The following TTC29 variants were observed in gnomAD, a reference collection of about 807,000 sequenced individuals.
The protein encoded by TTC29 is tetratricopeptide repeat domain 29, also known as tetratricopeptide repeat protein 29.
A neutral mutation model predicts 58.1 loss-of-function variants in TTC29; 49 were observed. The observed-to-expected ratio is 0.84, with a 90% CI of 0.67 to 1.07. TTC29 has a LOEUF of 1.07. Among genes scored for constraint, TTC29 ranks in the 50% least tolerant of loss-of-function variants. The probability of loss-of-function intolerance (pLI) is 0.00; values close to 1 mark genes in which losing one functional copy is unlikely to be tolerated. For missense variants in TTC29, 582 were observed against 555.6 expected (o/e 1.05, Z -0.48); for synonymous variants, 209 against 196.8 (o/e 1.06, Z -0.52).
chr4:146,895,421 G>A (rs1732703222), intron 6 of TTC29, among the ~76,000 whole-genome samples: 1 of 152,166 alleles, frequency 6.6e-6, no homozygotes, highest in South Asian at 2.1e-4. Flanking sequence ...TTCCTTCTGG[G>A]TTTAGTCTTC....
At chr4:146,861,445 C>A (rs927214903) in intron 8 of TTC29, among the ~76,000 whole-genome samples, 1 of 152,152 alleles carries the variant, frequency 6.6e-6, no homozygotes, top group African/African-American at 2.4e-5. Context: ...GTCTCTATGA[C>A]CCCTTGCACA....
chr4:146,863,093 G>A (rs1286813727), intron 8 of TTC29, among the ~76,000 whole-genome samples: 1 of 149,004 alleles, frequency 6.7e-6, no homozygotes, highest in Non-Finnish European at 1.5e-5. Context: ...CTACACTCCA[G>A]CCTGGGTGAC....
intron 2 of TTC29, among the ~76,000 whole-genome samples, chr4:146,940,868 T>G (rs1277222210): frequency 6.6e-6 from 1 of 152,190 alleles, no homozygotes; most frequent in African/African-American, 2.4e-5. Context: ...AGCATCCACT[T>G]CTACTGTAAT....
At chr4:146,909,587 C>A (rs979504611) in intron 4 of TTC29, among the ~76,000 whole-genome samples, 1 of 147,484 alleles carries the variant, frequency 6.8e-6, no homozygotes, top group African/African-American at 2.5e-5. Context: ...CCAAAAAAAA[C>A]CTCAACAAGT....
chr4:146,756,169 G>A (rs1220065332), intron 11 of TTC29, among the ~76,000 whole-genome samples: 2 of 151,702 alleles, frequency 1.3e-5, no homozygotes, highest in Non-Finnish European at 2.9e-5. Flanking sequence ...AGCTACTTGG[G>A]AGGCTGAGGA....
chr4:146,747,143 T>C (rs1745607361), intron 11 of TTC29, among the ~76,000 whole-genome samples: 1 of 152,142 alleles, frequency 6.6e-6, no homozygotes, highest in South Asian at 2.1e-4. Context: ...TAGAGACTCA[T>C]GCAGTCCTCA....
chr4:146,932,200 GA>G (rs890536653), intron 4 of TTC29, among the ~76,000 whole-genome samples: 1 of 152,118 alleles, frequency 6.6e-6, no homozygotes, highest in Non-Finnish European at 1.5e-5. Context: ...TCATGAGAAA[GA>G]AGAAATTTTC....
intron 11 of TTC29, among the ~76,000 whole-genome samples, chr4:146,798,480 AAAT>A (rs1218614161): frequency 6.6e-6 from 1 of 152,164 alleles, no homozygotes; most frequent in African/African-American, 2.4e-5. Context: ...TATATAATAA[AAAT>A]AATGATAATA....
chr4:146,943,418 G>T (rs1383901054), intron 2 of TTC29, among the ~76,000 whole-genome samples: 1 of 151,356 alleles, frequency 6.6e-6, no homozygotes, highest in Non-Finnish European at 1.5e-5. Flanking sequence ...TATCAGAGCT[G>T]AATGATAAAG....
intron 11 of TTC29, among the ~76,000 whole-genome samples, chr4:146,783,473 G>A (rs1263853768): frequency 6.6e-6 from 1 of 151,948 alleles, no homozygotes; most frequent in African/African-American, 2.4e-5. Context: ...AAGGGAGCCT[G>A]TAAACACTCA....
intron 4 of TTC29, among the ~76,000 whole-genome samples, 190 bp downstream of exon 4, chr4:146,937,404 C>G (rs1735926289): frequency 2.0e-5 from 3 of 151,808 alleles, no homozygotes; most frequent in South Asian, 4.2e-4. Context: ...TTTTGAGAGC[C>G]ATAAAATTAA....
At chr4:146,797,656 C>A (rs1749917365) in intron 11 of TTC29, among the ~76,000 whole-genome samples, 1 of 151,642 alleles carries the variant, frequency 6.6e-6, no homozygotes, top group Non-Finnish European at 1.5e-5. Context: ...TCCCACCTCA[C>A]CCTGGCTGCT....
intron 9 of TTC29, among the ~76,000 whole-genome samples, chr4:146,829,264 C>A (rs1470234544): frequency 6.6e-6 from 1 of 152,206 alleles, no homozygotes; most frequent in East Asian, 1.9e-4. Context: ...ACACCCACGT[C>A]CCTTGACAAC....
chr4:146,710,170 A>G (rs1470584446), intron 11 of TTC29, among the ~76,000 whole-genome samples: 1 of 152,194 alleles, frequency 6.6e-6, no homozygotes, highest in African/African-American at 2.4e-5. Flanking sequence ...TTGTACAAAC[A>G]TCACAGAGTG....
At chr4:146,917,868 G>A (rs909722761) in intron 4 of TTC29, among the ~76,000 whole-genome samples, 9 of 149,432 alleles carry the variant, frequency 6.0e-5, no homozygotes, top group African/African-American at 2.2e-4. Context: ...CCAAATAAAT[G>A]ATTTCATCTT....
At chr4:146,861,292 C>A (rs1467137926) in intron 8 of TTC29, among the ~76,000 whole-genome samples, 7 of 152,014 alleles carry the variant, frequency 4.6e-5, no homozygotes, top group African/African-American at 7.2e-5. Context: ...AATCTTAGGA[C>A]CTTATAATAT....
At chr4:146,877,663 A>G (rs1054036734) in intron 6 of TTC29, among the ~76,000 whole-genome samples, 1 of 150,426 alleles carries the variant, frequency 6.6e-6, no homozygotes, top group African/African-American at 2.4e-5. Context: ...GGAAAGATGT[A>G]TACAAGAGTT....
chr4:146,717,408 G>A (rs766797135), intron 11 of TTC29, among the ~76,000 whole-genome samples: 1 of 152,016 alleles, frequency 6.6e-6, no homozygotes, highest in Non-Finnish European at 1.5e-5. Context: ...CTCCCAGGTA[G>A]CTGGGATTAT....
intron 11 of TTC29, among the ~76,000 whole-genome samples, chr4:146,738,482 T>A (rs778529371): frequency 6.6e-6 from 1 of 152,028 alleles, no homozygotes; most frequent in South Asian, 2.1e-4. Flanking sequence ...TATGATGGAC[T>A]GGACTAATTA....
Sources: allele counts gnomAD v4.1 joint callset (sites outside exome capture counted in the v4.1 genomes callset), GRCh38; gene constraint gnomAD v4.1.1; transcripts MANE v1.5; gene names NCBI Gene and HGNC (gene_info 2026-07-23, HGNC 2026-07-21).